The following POC1B variants were observed in gnomAD, a reference collection of about 807,000 sequenced individuals.
POC1B encodes the protein POC1 centriolar protein B.
Under a neutral mutation model 60.6 loss-of-function variants are expected in POC1B, and 44 were observed. The ratio of observed to expected loss-of-function variants is 0.73; its 90% CI spans 0.57 to 0.93. POC1B has a LOEUF of 0.93. Among genes scored for constraint, POC1B ranks in the 40% least tolerant of loss-of-function variants. The probability of loss-of-function intolerance (pLI) is 0.00; values close to 1 mark genes in which losing one functional copy is unlikely to be tolerated. For missense variants in POC1B, 555 were observed against 572.3 expected (o/e 0.97, Z 0.31); for synonymous variants, 180 against 198.9 (o/e 0.90, Z 0.80).
At chr12:89,424,233 C>A (rs187798747) in intron 11 of POC1B, among the ~76,000 whole-genome samples, 4,655 of 152,204 alleles carry the variant, frequency 0.031, 291 homozygotes, top group East Asian at 0.26. Flanking sequence ...GGCTGTAAAA[C>A]AGAATCATAT....
chr12:89,464,141 T>A (rs1461409722), intron 9 of POC1B, among the ~76,000 whole-genome samples: 4 of 152,196 alleles, frequency 2.6e-5, no homozygotes, highest in African/African-American at 4.8e-5. Context: ...TTTCCTTAAA[T>A]CCTAATACTG....
At chr12:89,446,806 T>C (rs574127649) in intron 10 of POC1B, among the ~76,000 whole-genome samples, 18 of 151,922 alleles carry the variant, frequency 1.2e-4, no homozygotes, top group African/African-American at 4.1e-4. Context: ...CTAGAACATG[T>C]GCATGAAATA....
chr12:89,494,949 A>G (rs1344435772), intron 3 of POC1B, among the ~76,000 whole-genome samples: 1 of 152,204 alleles, frequency 6.6e-6, no homozygotes, highest in East Asian at 1.9e-4. Context: ...TAAGCAAAAC[A>G]ACCATCCAGA....
At chr12:89,457,582 G>A (rs1180881648) in intron 10 of POC1B, among the ~76,000 whole-genome samples, 1 of 152,144 alleles carries the variant, frequency 6.6e-6, no homozygotes, top group Non-Finnish European at 1.5e-5. Flanking sequence ...CCAATTTATA[G>A]CAAACAAGAT....
chr12:89,491,489 G>T (rs2018669), intron 4 of POC1B, among the ~76,000 whole-genome samples: 12,751 of 151,724 alleles, frequency 0.084, 742 homozygotes, highest in Middle Eastern at 0.16. Flanking sequence ...TCCAGGCATG[G>T]TGGTGCATGC....
chr12:89,488,186 A>G (rs1868749169), intron 4 of POC1B, among the ~76,000 whole-genome samples: 1 of 152,226 alleles, frequency 6.6e-6, no homozygotes, highest in African/African-American at 2.4e-5. Flanking sequence ...AGTATCTCCT[A>G]TAATTTACTT....
chr12:89,419,697 T>C, downstream of POC1B: 1 of 152,234 alleles, frequency 6.6e-6, no homozygotes, highest in Non-Finnish European at 1.5e-5. Flanking sequence ...GTTTTAATCA[T>C]TTAAAAAGAA....
intron 2 of POC1B, among the ~76,000 whole-genome samples, chr12:89,498,816 C>T (rs1185253584): frequency 6.6e-6 from 1 of 152,032 alleles, no homozygotes; most frequent in Non-Finnish European, 1.5e-5. Flanking sequence ...GTGTATCATG[C>T]TGCAAACGAG....
intron 7 of POC1B, among the ~76,000 whole-genome samples, chr12:89,469,456 T>C (rs1437076821): frequency 6.6e-6 from 1 of 152,190 alleles, no homozygotes; most frequent in Non-Finnish European, 1.5e-5. Flanking sequence ...AATGTGGCTT[T>C]TATGTGTAAC....
chr12:89,463,786 T>G (rs1882569420), intron 9 of POC1B, among the ~76,000 whole-genome samples: 1 of 152,180 alleles, frequency 6.6e-6, no homozygotes, highest in Non-Finnish European at 1.5e-5. Flanking sequence ...ATTTTAAAAG[T>G]AATATGGCTA....
intron 4 of POC1B, among the ~76,000 whole-genome samples, chr12:89,474,333 G>A (rs755481677): frequency 6.6e-6 from 1 of 151,968 alleles, no homozygotes; most frequent in African/African-American, 2.4e-5. Flanking sequence ...TCTATGAGAG[G>A]ACTTAACTCT....
At chr12:89,432,574 G>A (rs930026482) in intron 10 of POC1B, among the ~76,000 whole-genome samples, 1 of 152,002 alleles carries the variant, frequency 6.6e-6, no homozygotes, top group Admixed American at 6.6e-5. Flanking sequence ...TACTCTAGTG[G>A]GTGAAGGAGA....
chr12:89,449,814 T>C (rs926300295), intron 10 of POC1B, among the ~76,000 whole-genome samples: 1 of 151,966 alleles, frequency 6.6e-6, no homozygotes, highest in Non-Finnish European at 1.5e-5. Flanking sequence ...AGATAATGGA[T>C]CAAGAACAAA....
chr12:89,428,913 C>G lies in POC1B; in HGVS notation c.1114-3534G>C, dbSNP rs960761862. On this transcript the variant is annotated intron_variant, in intron 10 of 11. Coordinates refer to ENST00000313546, the MANE Select transcript of POC1B (RefSeq NM_172240.3). ...GAAACCAAATTATCTATAACCAAGA[C>G]AGTTTTTTTGAAAAAATATGGATCA... 15 of 152,224 alleles carry G rather than the reference C, an allele frequency of 9.9e-5. No homozygotes were observed. In the East Asian group the frequency reaches 1.2e-3, roughly 12 times the overall value. 9.4% of individuals were successfully genotyped at this position (152,224 alleles called of 1,614,324 possible).
chr12:89,411,498 A>T, the POC1B span, among the ~76,000 whole-genome samples: 1 of 152,198 alleles, frequency 6.6e-6, no homozygotes, highest in Non-Finnish European at 1.5e-5. Context: ...GGAAGCTACT[A>T]AATTAGGACC....
At chr12:89,467,050 G>T in intron 8 of POC1B, 128 bp from the exon 9 acceptor site, 1 of 618,812 alleles carries the variant, frequency 1.6e-6, no homozygotes, top group Non-Finnish European at 2.5e-6. Flanking sequence ...TTTCAACTAT[G>T]TTACTATTTC....
intron 1 of POC1B, 68 bp downstream of exon 1, chr12:89,525,813 G>C: frequency 2.1e-6 from 3 of 1,398,502 alleles, no homozygotes; most frequent in Non-Finnish European, 1.9e-6. Context: ...CTTCGGCCCG[G>C]ACCTGGCCCC....
chr12:89,408,141 C>CT, the POC1B span, among the ~76,000 whole-genome samples: 1 of 152,128 alleles, frequency 6.6e-6, no homozygotes, highest in Non-Finnish European at 1.5e-5. Flanking sequence ...TGAACTCATC[C>CT]TTTTTTAGGG....
chr12:89,469,465 A>G (rs1320969052), intron 7 of POC1B, among the ~76,000 whole-genome samples: 2 of 152,238 alleles, frequency 1.3e-5, no homozygotes, highest in Non-Finnish European at 2.9e-5. Flanking sequence ...TTTATGTGTA[A>G]CACAAATAGG....
Sources: allele counts gnomAD v4.1 joint callset (sites outside exome capture counted in the v4.1 genomes callset), GRCh38; gene constraint gnomAD v4.1.1; transcripts MANE v1.5; gene names NCBI Gene and HGNC (gene_info 2026-07-23, HGNC 2026-07-21).